Variants in VPS13B observed in about 807,000 individuals in gnomAD.
VPS13B encodes the protein intermembrane lipid transfer protein VPS13B.
VPS13B carries 285 observed loss-of-function variants against 426.4 expected under a neutral mutation model. The observed-to-expected ratio is 0.67, with a 90% CI of 0.61 to 0.74. The LOEUF (loss-of-function observed/expected upper bound fraction) is 0.74, where lower values mean the gene tolerates loss of function less well. Among genes scored for constraint, VPS13B ranks in the 30% least tolerant of loss-of-function variants. The pLI, the probability that VPS13B is intolerant of heterozygous loss-of-function variation, is 0.00. For synonymous variants in VPS13B, 1,676 were observed against 1,676.4 expected, an observed-to-expected ratio of 1.00 and a Z score of 0.01; for missense variants, 4,537 against 4,782.6, an observed-to-expected ratio of 0.95 and a Z score of 1.51.
At chr8:99,749,423 C>G (rs567510590) in intron 39 of VPS13B, among the ~76,000 whole-genome samples, 2 of 152,144 alleles carry the variant, frequency 1.3e-5, no homozygotes, top group South Asian at 4.1e-4. Flanking sequence ...AACCTTCCTT[C>G]TATTCTTTAT....
chr8:99,554,897 C>G (rs1363098275), intron 30 of VPS13B, among the ~76,000 whole-genome samples: 1 of 152,056 alleles, frequency 6.6e-6, no homozygotes, highest in East Asian at 1.9e-4. Flanking sequence ...CCCTATTTCT[C>G]ATGCAGTTCT....
intron 51 of VPS13B, among the ~76,000 whole-genome samples, chr8:99,824,594 CT>C (rs1258976722): frequency 2.6e-3 from 359 of 139,610 alleles, no homozygotes; most frequent in Middle Eastern, 3.8e-3. Flanking sequence ...GATGTTTTCC[CT>C]TTTTTTTTTT....
intron 19 of VPS13B, among the ~76,000 whole-genome samples, chr8:99,309,229 T>G (rs1279184733): frequency 2.0e-5 from 3 of 152,222 alleles, no homozygotes; most frequent in Non-Finnish European, 4.4e-5. Context: ...CCATTGCTTT[T>G]GGAGTTTTAG....
chr8:99,155,335 C>G (rs1281372714), intron 14 of VPS13B, among the ~76,000 whole-genome samples: 1 of 152,092 alleles, frequency 6.6e-6, no homozygotes, highest in African/African-American at 2.4e-5. Context: ...AAATTATATA[C>G]TATATGATTT....
At chr8:99,677,154 A>T (rs1057038503) in intron 35 of VPS13B, among the ~76,000 whole-genome samples, 3 of 152,166 alleles carry the variant, frequency 2.0e-5, no homozygotes, top group African/African-American at 7.2e-5. Context: ...TTAATAATTT[A>T]TTTCTGTTCA....
chr8:99,520,389 TTGTGTGTGTGTGTGTGTGTGTG>T (rs140216567), intron 29 of VPS13B, among the ~76,000 whole-genome samples: 1 of 138,492 alleles, frequency 7.2e-6, no homozygotes, highest in African/African-American at 2.7e-5. Flanking sequence ...GTGATATACT[TTGTGTGTGTGTGTGTGTGTGTG>T]TGTGTGTGTG....
chr8:99,817,304 T>A (rs1814098099), intron 44 of VPS13B, among the ~76,000 whole-genome samples: 1 of 151,996 alleles, frequency 6.6e-6, no homozygotes, highest in African/African-American at 2.4e-5. Flanking sequence ...CTGAGCAGCA[T>A]TTCTAATTGA....
At chr8:99,353,221 T>C (rs1811993111) in intron 19 of VPS13B, among the ~76,000 whole-genome samples, 1 of 152,260 alleles carries the variant, frequency 6.6e-6, no homozygotes, top group Admixed American at 6.5e-5. Context: ...TGATCTCAAG[T>C]GATCCACCCA....
chr8:99,358,126 C>T (rs1018246288), intron 19 of VPS13B, among the ~76,000 whole-genome samples: 1 of 152,092 alleles, frequency 6.6e-6, no homozygotes, highest in Admixed American at 6.6e-5. Flanking sequence ...TGCTCCTCTG[C>T]GTCCATCCCT....
intron 25 of VPS13B, among the ~76,000 whole-genome samples, chr8:99,486,092 T>C (rs1820289595): frequency 6.6e-6 from 1 of 152,184 alleles, no homozygotes; most frequent in South Asian, 2.1e-4. Context: ...ACAGAGCATT[T>C]TGACTGCTTT....
intron 23 of VPS13B, among the ~76,000 whole-genome samples, chr8:99,453,614 A>G (rs934374887): frequency 6.6e-5 from 10 of 152,124 alleles, no homozygotes; most frequent in African/African-American, 1.9e-4. Context: ...TTCCTTGCTT[A>G]TCAATTTTGC....
intron 33 of VPS13B, among the ~76,000 whole-genome samples, chr8:99,618,559 A>G (rs924464737): frequency 6.6e-6 from 1 of 152,184 alleles, no homozygotes; most frequent in Non-Finnish European, 1.5e-5. Flanking sequence ...TTACTATATG[A>G]TCTTTGATGG....
chr8:99,505,870 C>T (rs1323019836), intron 27 of VPS13B, among the ~76,000 whole-genome samples: 1 of 152,072 alleles, frequency 6.6e-6, no homozygotes, highest in Non-Finnish European at 1.5e-5. Flanking sequence ...AAAGAGGGTT[C>T]TTAACAGATA....
chr8:99,536,885 A>G (rs1563782905), intron 30 of VPS13B: 2 of 469,222 alleles, frequency 4.3e-6, no homozygotes, highest in Non-Finnish European at 4.4e-6. Context: ...TCCAAAAACT[A>G]GGGAAAAAAA....
intron 3 of VPS13B, among the ~76,000 whole-genome samples, chr8:99,079,243 C>A (rs1225675349): frequency 6.6e-6 from 1 of 152,002 alleles, no homozygotes; most frequent in Non-Finnish European, 1.5e-5. Flanking sequence ...ATGGTGTGTG[C>A]AAGTGGTGGT....
intron 19 of VPS13B, among the ~76,000 whole-genome samples, chr8:99,302,862 C>T (rs978946468): frequency 1.3e-5 from 2 of 152,082 alleles, no homozygotes; most frequent in Non-Finnish European, 2.9e-5. Context: ...ACGTGAAGTA[C>T]GGTTTCTATT....
intron 54 of VPS13B, among the ~76,000 whole-genome samples, chr8:99,836,277 C>T (rs1815386620): frequency 6.6e-6 from 1 of 152,136 alleles, no homozygotes; most frequent in South Asian, 2.1e-4. Flanking sequence ...TTCCTTTCTT[C>T]TGGACTTAAA....
chr8:99,053,894 G>A (rs959280103), intron 3 of VPS13B, among the ~76,000 whole-genome samples: 10 of 152,088 alleles, frequency 6.6e-5, no homozygotes, highest in African/African-American at 2.4e-4. Context: ...AGTAGAGACT[G>A]GGTTTCACCC....
chr8:99,632,679 G>A (rs74936957), intron 33 of VPS13B, among the ~76,000 whole-genome samples: 106 of 151,940 alleles, frequency 7.0e-4, no homozygotes, highest in Middle Eastern at 6.8e-3. Flanking sequence ...TTGGCTGCAG[G>A]GCATAAACAA....
Sources: allele counts gnomAD v4.1 joint callset (sites outside exome capture counted in the v4.1 genomes callset), GRCh38; gene constraint gnomAD v4.1.1; transcripts MANE v1.5; gene names NCBI Gene and HGNC (gene_info 2026-07-23, HGNC 2026-07-21).